FBLN1: variants seen among roughly 807,000 people sequenced by gnomAD.
FBLN1 encodes the protein fibulin 1.
FBLN1 carries 34 observed loss-of-function variants against 89.7 expected under a neutral mutation model. That is an observed-to-expected ratio of 0.38 (90% CI 0.29 to 0.50). FBLN1 has a LOEUF of 0.50. Among genes scored for constraint, FBLN1 ranks in the 20% least tolerant of loss-of-function variants. The pLI is 0.92. For missense variants in FBLN1, 777 were observed against 988.1 expected, an observed-to-expected ratio of 0.79 and a Z score of 2.86; for synonymous variants, 393 against 391.3, an observed-to-expected ratio of 1.00 and a Z score of -0.05.
At chr22:45,599,455 T>C (rs1317252478) in intron 16 of FBLN1, among the ~76,000 whole-genome samples, 1 of 152,108 alleles carries the variant, frequency 6.6e-6, no homozygotes, top group Non-Finnish European at 1.5e-5. Flanking sequence ...GTGCTCTGCT[T>C]GCAGGAGGAT....
chr22:45,532,055 C>T lies in FBLN1; in HGVS notation c.544+731C>T, dbSNP rs1249102584. On this transcript the variant is annotated intron_variant, in intron 5 of 16. Transcript: ENST00000327858. This position sits in a 1 kb window ranked among gnomAD's most constrained non-coding sequence, Gnocchi z 4.2. ...GCTTTTCTTTCATGGAACATTCTGGCATGTCTAGACCTGCAGATCTGCCTC... is the reference window on the plus strand; with the variant it reads ...GCTTTTCTTTCATGGAACATTCTGGTATGTCTAGACCTGCAGATCTGCCTC... 6.6e-6 allele frequency among the ~76,000 whole-genome samples: 1 copy of T among 152,220 alleles called. No individual in the cohort carries two copies. The highest frequency in any genetic ancestry group is 1.5e-5 in the Non-Finnish European group (1 of 68,040).
At chr22:45,582,073 A>G (rs1169988124) in intron 16 of FBLN1, among the ~76,000 whole-genome samples, 4 of 152,210 alleles carry the variant, frequency 2.6e-5, no homozygotes, top group Admixed American at 2.0e-4. Flanking sequence ...CCCACTCAGC[A>G]GGTAAGAAGA....
chr22:45,505,387 G>C (rs866401579), intron 1 of FBLN1, among the ~76,000 whole-genome samples: 53 of 139,434 alleles, frequency 3.8e-4, no homozygotes, highest in Admixed American at 2.2e-3. Flanking sequence ...GTCAGGAGGT[G>C]GGGGCCAGGG....
intron 16 of FBLN1, among the ~76,000 whole-genome samples, chr22:45,598,093 GC>G (rs1273588901): frequency 3.3e-5 from 5 of 152,210 alleles, no homozygotes; most frequent in African/African-American, 9.7e-5. Flanking sequence ...ACAGAATCCA[GC>G]CTGGAATCAG....
At chr22:45,539,205 CTT>C (rs549125499) in intron 8 of FBLN1, among the ~76,000 whole-genome samples, 5 of 93,730 alleles carry the variant, frequency 5.3e-5, no homozygotes, top group Admixed American at 1.3e-4. Context: ...TTCTTTTCTT[CTT>C]TTTTTTTTTT....
intron 14 of FBLN1, among the ~76,000 whole-genome samples, chr22:45,560,594 TA>T (rs1216316180): frequency 6.6e-6 from 1 of 152,202 alleles, no homozygotes; most frequent in Non-Finnish European, 1.5e-5. Context: ...GTTGCAACAT[TA>T]AATGCAGAGT....
chr22:45,548,798 T>C lies in FBLN1; in HGVS notation c.1573+54T>C, dbSNP rs2088665058. 48 of 1,605,844 alleles carry C rather than the reference T, an allele frequency of 3.0e-5. No homozygotes were observed. The South Asian group carries it at 5.3e-4, about 18-fold the overall frequency. ...TCACGCTCTGCTTGGGGCCCTGCAA[T>C]GTCGTGGGGCTGAGGCTGGGCTCGG... is the stretch of plus-strand genomic sequence containing the variant. On this transcript the variant is annotated intron_variant, in intron 13 of 16. Coordinates refer to ENST00000327858, the MANE Select transcript of FBLN1 (RefSeq NM_006486.3).
At position 45,531,333 on chromosome 22, in the gene FBLN1, CG is replaced by C; in HGVS notation, c.544+12del. ...GAATGACCGCTGCCGAGGTGAGACT[CG>C]GGCGTCTCCCATCAGTTGGTATTTA... On this transcript the variant is annotated intron_variant, in intron 5 of 16. Transcript: ENST00000327858. This position sits in a 1 kb window ranked among gnomAD's most constrained non-coding sequence, Gnocchi z 4.9. 6.2e-7 allele frequency: 1 copy of C among 1,613,108 alleles called. No homozygotes were observed. The highest frequency in any genetic ancestry group is 8.5e-7 in the Non-Finnish European group (1 of 1,179,160).
chr22:45,509,742 G>T (rs890644476), intron 1 of FBLN1, among the ~76,000 whole-genome samples: 1 of 152,006 alleles, frequency 6.6e-6, no homozygotes, highest in Admixed American at 6.6e-5. Flanking sequence ...GGGTGGAGTC[G>T]CCCAGTCCTG....
chr22:45,584,799 C>T (rs986124617), intron 16 of FBLN1, among the ~76,000 whole-genome samples: 1 of 152,238 alleles, frequency 6.6e-6, no homozygotes, highest in African/African-American at 2.4e-5. Flanking sequence ...CAAAGTGGCT[C>T]CAACTGCCCA....
rs760666192 is a variant in FBLN1, at chr22:45,543,439, G to C, written c.1234G>C (p.Gly412Arg). Residue 412 changes from glycine to arginine, a missense_variant, in exon 11 of 17, where the codon GGC becomes CGC. Coordinates refer to ENST00000327858, the MANE Select transcript of FBLN1 (RefSeq NM_006486.3). The part of the protein sequence containing the change: ...ECQRYPGRLC[G>R]HKCENTLGSY... ...CCAGCGCTACCCCGGGCGCCTGTGT[G>C]GCCACAAGTGCGAGAACACGCTGGG... The C allele has an allele frequency of 6.2e-7, 1 of 1,613,686 alleles. No individual in the cohort carries two copies. Among genetic ancestry groups the C allele is most frequent in the Admixed American group, 1.7e-5 (1 of 60,020 alleles).
rs1359481306 is a variant in FBLN1, at chr22:45,577,606, A to G, written c.1972+498A>G. Among the ~76,000 whole-genome samples, 2 of 152,168 alleles carry G rather than the reference A, an allele frequency of 1.3e-5. No homozygotes were observed. The highest frequency in any genetic ancestry group is 2.9e-5 in the Non-Finnish European group (2 of 68,030). On this transcript the variant is annotated intron_variant, in intron 16 of 16. Transcript: ENST00000327858. The surrounding 1 kb of genome is among the most constrained non-coding windows in gnomAD (Gnocchi z 6.6). Reference sequence around the variant, plus strand: ...GATTCGCCATGTGGCCTTGAGCAGTAGTCGTCCCCTCCCTACGCATCAGTT... The same window carrying G: ...GATTCGCCATGTGGCCTTGAGCAGTGGTCGTCCCCTCCCTACGCATCAGTT...
intron 14 of FBLN1, among the ~76,000 whole-genome samples, chr22:45,567,279 G>A (rs1410311608): frequency 6.6e-6 from 1 of 152,246 alleles, no homozygotes; most frequent in African/African-American, 2.4e-5. Context: ...GGAGGAGGCA[G>A]TGTGGTAAGG....
In FBLN1 at chr22:45,528,232, T is replaced by C. The variant is rs136733; in HGVS notation, c.484+223T>C. On this transcript the variant is annotated intron_variant, in intron 4 of 16. Coordinates refer to ENST00000327858, the MANE Select transcript of FBLN1 (RefSeq NM_006486.3). ...CAGTGTGCTGGCAGAACGCCGCCTTTCCCGGGGAGGCCAGTCTTTTTTCTC... is the reference window on the plus strand; with the variant it reads ...CAGTGTGCTGGCAGAACGCCGCCTTCCCCGGGGAGGCCAGTCTTTTTTCTC... Among the ~76,000 whole-genome samples, 141,550 of 152,300 alleles carry C rather than the reference T, an allele frequency of 0.93. 65,867 individuals are homozygous for C. The highest frequency in any genetic ancestry group is 0.97 in the African/African-American group (40,257 of 41,586).
rs1428415938 is a variant in FBLN1, at chr22:45,568,738, A to G, written c.1698-5773A>G. On this transcript the variant is annotated intron_variant, in intron 14 of 16. Coordinates refer to ENST00000327858, the MANE Select transcript of FBLN1 (RefSeq NM_006486.3). ...TCCTTCTGTAGGAGAATGCTCCTGT[A>G]GGGGACTTCTGTAGGGGAGTGCTCC... Among the ~76,000 whole-genome samples, 4 of 71,980 alleles carry G rather than the reference A, an allele frequency of 5.6e-5. 2 individuals are homozygous for G. Among genetic ancestry groups the G allele is most frequent in the African/African-American group, 2.8e-4 (4 of 14,408 alleles). 47.2% of individuals were successfully genotyped at this position (71,980 alleles called of 152,430 possible). A position where few individuals can be genotyped will look rare whatever the true frequency, so the allele number is the denominator to read the frequency against.
chr22:45,550,695 C>T lies in FBLN1; in HGVS notation c.1697+80C>T. 6.2e-7 allele frequency: 1 copy of T among 1,600,424 alleles called. No individual in the cohort carries two copies. Among genetic ancestry groups the T allele is most frequent in the South Asian group, 1.1e-5 (1 of 90,620 alleles). On this transcript the variant is annotated intron_variant, in intron 14 of 16. Coordinates refer to ENST00000327858, the MANE Select transcript of FBLN1 (RefSeq NM_006486.3). The surrounding 1 kb of genome is among the most constrained non-coding windows in gnomAD (Gnocchi z 8.4). ...CCCAGTTCCCGGGTGGGTGGGTTATCAGGCTGTGACCTCGGTGTCCTCCCA... is the reference window on the plus strand; with the variant it reads ...CCCAGTTCCCGGGTGGGTGGGTTATTAGGCTGTGACCTCGGTGTCCTCCCA...
At chr22:45,506,166 G>A (rs111426300) in intron 1 of FBLN1, among the ~76,000 whole-genome samples, 1,586 of 152,370 alleles carry the variant, frequency 0.01, 16 homozygotes, top group Non-Finnish European at 0.017. Flanking sequence ...GCTCCCTGGC[G>A]GCTCCTTGGA....
At chr22:45,554,226 C>T (rs1300147825) in intron 14 of FBLN1, among the ~76,000 whole-genome samples, 3 of 151,986 alleles carry the variant, frequency 2.0e-5, no homozygotes, top group African/African-American at 4.8e-5. Flanking sequence ...CACCCGGAAG[C>T]GCAGTTCACC....
intron 16 of FBLN1, among the ~76,000 whole-genome samples, chr22:45,582,864 T>G (rs1208249833): frequency 6.6e-6 from 1 of 152,200 alleles, no homozygotes; most frequent in Admixed American, 6.5e-5. Context: ...ATCTCTGAGA[T>G]GTTTTATACT....
Sources: allele counts gnomAD v4.1 joint callset (sites outside exome capture counted in the v4.1 genomes callset), GRCh38; gene constraint gnomAD v4.1.1; non-coding constraint Gnocchi (gnomAD v3.1); transcripts MANE v1.5; gene names NCBI Gene and HGNC (gene_info 2026-07-23, HGNC 2026-07-21).